The following WWOX variants were observed in gnomAD, a reference collection of about 807,000 sequenced individuals.
The protein encoded by WWOX is WW domain-containing oxidoreductase.
A neutral mutation model predicts 46.2 loss-of-function variants in WWOX; 69 were observed. That is an observed-to-expected ratio of 1.49 (90% CI 1.23 to 1.82). WWOX has a LOEUF of 1.82. Ranked by LOEUF, WWOX falls within the 40% of genes most tolerant of loss-of-function variation. WWOX has a pLI of 0.00. For synonymous variants in WWOX, 359 were observed against 202.6 expected, an observed-to-expected ratio of 1.77 and a Z score of -6.56; for missense variants, 919 against 542.6, an observed-to-expected ratio of 1.69 and a Z score of -6.89.
At chr16:78,915,864 G>C (rs2045238694) in intron 8 of WWOX, among the ~76,000 whole-genome samples, 1 of 152,160 alleles carries the variant, frequency 6.6e-6, no homozygotes, top group Admixed American at 6.5e-5. Context: ...ATAACAGGAA[G>C]AACGCTCAAA....
intron 8 of WWOX, among the ~76,000 whole-genome samples, chr16:78,818,987 C>G (rs957087178): frequency 6.6e-6 from 1 of 152,146 alleles, no homozygotes; most frequent in Non-Finnish European, 1.5e-5. Flanking sequence ...CTCTCTAATC[C>G]TCATTGTGCT....
chr16:79,051,488 A>T (rs1221581261), intron 8 of WWOX, among the ~76,000 whole-genome samples: 1 of 147,208 alleles, frequency 6.8e-6, no homozygotes, highest in Non-Finnish European at 1.5e-5. Flanking sequence ...CAGGCCACTA[A>T]CACTTATGTC....
At chr16:79,074,409 CTTTTTTTTTTTTTTTT>C (rs60074156) in intron 8 of WWOX, among the ~76,000 whole-genome samples, 14 of 30,988 alleles carry the variant, frequency 4.5e-4, no homozygotes, top group East Asian at 2.8e-3. Flanking sequence ...GTCACTAGTC[CTTTTTTTTTTTTTTTT>C]TTTTTTTTTT....
At chr16:78,926,779 T>C (rs1433455567) in intron 8 of WWOX, among the ~76,000 whole-genome samples, 1 of 152,018 alleles carries the variant, frequency 6.6e-6, no homozygotes, top group Non-Finnish European at 1.5e-5. Flanking sequence ...GAGAGCTGAG[T>C]GCCAGTTTGT....
chr16:78,451,921 C>G (rs1057236454), intron 8 of WWOX, among the ~76,000 whole-genome samples: 2 of 152,146 alleles, frequency 1.3e-5, no homozygotes, highest in Non-Finnish European at 2.9e-5. Context: ...GAAATTATAA[C>G]GTAATGTATT....
At chr16:78,205,980 C>G (rs997243709) in intron 5 of WWOX, among the ~76,000 whole-genome samples, 1 of 151,612 alleles carries the variant, frequency 6.6e-6, no homozygotes, top group East Asian at 1.9e-4. Flanking sequence ...TTTCTTTCCT[C>G]CCTCCCTTCC....
At chr16:78,694,523 C>T (rs977094489) in intron 8 of WWOX, among the ~76,000 whole-genome samples, 2 of 152,090 alleles carry the variant, frequency 1.3e-5, no homozygotes, top group African/African-American at 4.8e-5. Context: ...CAGTGCAAAC[C>T]CATAAATTCC....
At chr16:79,037,595 G>A (rs1484223165) in intron 8 of WWOX, among the ~76,000 whole-genome samples, 1 of 152,132 alleles carries the variant, frequency 6.6e-6, no homozygotes, top group African/African-American at 2.4e-5. Flanking sequence ...ACTGCACCCT[G>A]CTACCTCCCA....
intron 5 of WWOX, among the ~76,000 whole-genome samples, chr16:78,229,294 G>A (rs958537958): frequency 1.3e-5 from 2 of 150,046 alleles, no homozygotes; most frequent in Non-Finnish European, 3.0e-5. Flanking sequence ...AGAATAAAAA[G>A]AGCCAGGACT....
chr16:78,654,849 C>T (rs1054740951), intron 8 of WWOX, among the ~76,000 whole-genome samples: 1 of 151,578 alleles, frequency 6.6e-6, no homozygotes, highest in Non-Finnish European at 1.5e-5. Flanking sequence ...GTCGTAAGGT[C>T]CCGTCAATGC....
intron 5 of WWOX, among the ~76,000 whole-genome samples, chr16:78,370,826 G>T (rs532435867): frequency 7.3e-6 from 1 of 136,790 alleles, no homozygotes; most frequent in African/African-American, 2.7e-5. Context: ...CCCCCTTCCA[G>T]TTTTTCTCAG....
chr16:78,662,355 G>T (rs2047234341), intron 8 of WWOX, among the ~76,000 whole-genome samples: 1 of 152,166 alleles, frequency 6.6e-6, no homozygotes, highest in South Asian at 2.1e-4. Context: ...GAAAATAAGA[G>T]AGCGCAATGA....
chr16:78,334,827 C>CCT (rs2080845678), intron 5 of WWOX, among the ~76,000 whole-genome samples: 1 of 110,426 alleles, frequency 9.1e-6, no homozygotes, highest in Admixed American at 9.4e-5. Flanking sequence ...CACACACACA[C>CCT]ACACATACAC....
chr16:78,352,683 A>G (rs1297083864), intron 5 of WWOX, among the ~76,000 whole-genome samples: 1 of 152,218 alleles, frequency 6.6e-6, no homozygotes, highest in East Asian at 1.9e-4. Flanking sequence ...ACCATTTGCT[A>G]TGTAACATAT....
chr16:78,855,353 G>C (rs1474115916), intron 8 of WWOX, among the ~76,000 whole-genome samples: 1 of 152,212 alleles, frequency 6.6e-6, no homozygotes, highest in Non-Finnish European at 1.5e-5. Flanking sequence ...GTCTAATTTA[G>C]TGTTAGCTGA....
chr16:78,317,027 A>G (rs554097546), intron 5 of WWOX, among the ~76,000 whole-genome samples: 6 of 152,360 alleles, frequency 3.9e-5, no homozygotes, highest in South Asian at 2.1e-4. Flanking sequence ...AGGATATTAG[A>G]ATCCAAAGGT....
chr16:78,622,235 C>G (rs1021999454), intron 8 of WWOX, among the ~76,000 whole-genome samples: 2 of 152,126 alleles, frequency 1.3e-5, no homozygotes, highest in Non-Finnish European at 2.9e-5. Flanking sequence ...AATTCTGACC[C>G]TACTCTGATA....
At chr16:78,690,340 G>GA (rs1396285066) in intron 8 of WWOX, among the ~76,000 whole-genome samples, 1 of 152,092 alleles carries the variant, frequency 6.6e-6, no homozygotes, top group African/African-American at 2.4e-5. Context: ...TGCTTGAGCT[G>GA]AATTGTTCAA....
intron 5 of WWOX, among the ~76,000 whole-genome samples, chr16:78,201,822 C>G (rs1248608105): frequency 6.6e-6 from 1 of 152,022 alleles, no homozygotes; most frequent in Non-Finnish European, 1.5e-5. Flanking sequence ...GCCTCAGCCC[C>G]CTGAGTAGCT....
Sources: allele counts gnomAD v4.1 joint callset (sites outside exome capture counted in the v4.1 genomes callset), GRCh38; gene constraint gnomAD v4.1.1; transcripts MANE v1.5; gene names NCBI Gene and HGNC (gene_info 2026-07-23, HGNC 2026-07-21).